Variants in XRN1 observed in about 807,000 individuals in gnomAD.
XRN1 encodes 5'-3' exoribonuclease 1.
In XRN1, 67 loss-of-function variants were observed where a neutral mutation model predicts 222.3. The observed-to-expected ratio is 0.30, with a 90% CI of 0.25 to 0.37. The LOEUF is 0.37. Ranked by LOEUF, XRN1 falls within the 10% of genes least tolerant of loss-of-function variation. The pLI is 1.00. For synonymous variants in XRN1, 643 were observed against 652.4 expected, an observed-to-expected ratio of 0.99 and a Z score of 0.22; for missense variants, 1,707 against 2,000.2, an observed-to-expected ratio of 0.85 and a Z score of 2.80.
chr3:142,361,097 GTTACT>G (rs1178972893), intron 29 of XRN1, among the ~76,000 whole-genome samples: 1 of 152,080 alleles, frequency 6.6e-6, no homozygotes, highest in Non-Finnish European at 1.5e-5. Context: ...GTCACCATAG[GTTACT>G]TTACATTTGT....
chr3:142,375,609 T>C (rs192253216), intron 25 of XRN1, among the ~76,000 whole-genome samples, 189 bp downstream of exon 25: 4 of 152,316 alleles, frequency 2.6e-5, no homozygotes, highest in Admixed American at 2.0e-4. Context: ...TTTAATAATA[T>C]GGTATTTTTC....
intron 2 of XRN1, among the ~76,000 whole-genome samples, chr3:142,428,437 C>T (rs2069363016): frequency 6.6e-6 from 1 of 151,180 alleles, no homozygotes; most frequent in Admixed American, 6.6e-5. Flanking sequence ...TGAGATTACA[C>T]TCTAGTGGGG....
chr3:142,312,850 T>G, intron 39 of XRN1, 92 bp from the exon 40 acceptor site: 1 of 1,250,790 alleles, frequency 8.0e-7, no homozygotes, highest in Non-Finnish European at 1.1e-6. Flanking sequence ...CTTTTTGGGC[T>G]TTTTTTTTCC....
chr3:142,336,693 C>A (rs1479559580), intron 33 of XRN1, among the ~76,000 whole-genome samples: 1 of 151,710 alleles, frequency 6.6e-6, no homozygotes, highest in Non-Finnish European at 1.5e-5. Flanking sequence ...AGTAATCTTA[C>A]AAAACAAAGG....
At chr3:142,366,797 A>C (rs1485698718) in intron 27 of XRN1, among the ~76,000 whole-genome samples, 1 of 152,212 alleles carries the variant, frequency 6.6e-6, no homozygotes, top group Non-Finnish European at 1.5e-5. Context: ...TTGCACATCA[A>C]AAAACAACCC....
At chr3:142,393,754 T>C (rs1379601336) in intron 20 of XRN1, among the ~76,000 whole-genome samples, 1 of 152,114 alleles carries the variant, frequency 6.6e-6, no homozygotes, top group Non-Finnish European at 1.5e-5. Context: ...TTCCTCTTCA[T>C]CCAACTTGCA....
rs200379372 is a variant in XRN1 at position 142,383,291 on chromosome 3, G to C, written c.2616+9C>G. 3.5e-5 allele frequency: 56 copies of C among 1,598,096 alleles called. No individual in the cohort carries two copies. Among genetic ancestry groups the C allele is most frequent in the Non-Finnish European group, 5.1e-6 (6 of 1,169,970 alleles). ...GAAAAATGTATCAGTAACAATAATG[G>C]AAACTAACTTCTCCAGTGCAGCCAT... On this transcript the variant is annotated intron_variant, in intron 22 of 40. Transcript: ENST00000392981.
rs921698856 is a variant in XRN1 at position 142,414,448 on chromosome 3, T to C, written c.1437-157A>G. 1.5e-5 allele frequency: 8 copies of C among 551,684 alleles called. No individual in the cohort carries two copies. The African/African-American group carries it at 1.6e-4, about 11-fold the overall frequency. 34.2% of individuals were successfully genotyped at this position (551,684 alleles called of 1,614,324 possible). A position where few individuals can be genotyped will look rare whatever the true frequency, so the allele number is the denominator to read the frequency against. ...CTATCTGAATATAAGAAATTAGCAGTGTTGGAAAATTTAGGTCATCCGATG... is the reference window on the plus strand; with the variant it reads ...CTATCTGAATATAAGAAATTAGCAGCGTTGGAAAATTTAGGTCATCCGATG... On this transcript the variant is annotated intron_variant, in intron 13 of 40. Transcript: ENST00000392981.
chr3:142,426,173 T>C (rs1034459285), intron 3 of XRN1, among the ~76,000 whole-genome samples: 1 of 152,188 alleles, frequency 6.6e-6, no homozygotes, highest in Non-Finnish European at 1.5e-5. Context: ...GAAAGTTAGA[T>C]TTTAAGATTT....
intron 3 of XRN1, chr3:142,426,523 T>C (rs981799880): frequency 1.8e-5 from 9 of 493,376 alleles, no homozygotes; most frequent in Admixed American, 1.4e-4. Flanking sequence ...CCTGTCCATA[T>C]CTGCTCTAAT....
intron 32 of XRN1, among the ~76,000 whole-genome samples, chr3:142,350,847 CG>C (rs760419961): frequency 2.6e-5 from 4 of 151,962 alleles, no homozygotes; most frequent in Non-Finnish European, 4.4e-5. Flanking sequence ...CATTAGGTAA[CG>C]TAAGTTTGTG....
chr3:142,309,779 C>A lies in XRN1; in HGVS notation c.*1732G>T, dbSNP rs1160660124. The stretch of plus-strand genomic sequence containing the variant: ...TGTACAGCTGAGGTGAAACATTTCA[C>A]ACTTTAAAGTAGGAAGAGGTTAATA... On this transcript the variant is annotated 3_prime_UTR_variant, in exon 41 of 41. Transcript: ENST00000392981. 1 of 152,188 alleles carries A rather than the reference C, an allele frequency of 6.6e-6. No homozygotes were observed. The highest frequency in any genetic ancestry group is 6.5e-5 in the Admixed American group (1 of 15,278). 9.4% of individuals were successfully genotyped at this position (152,188 alleles called of 1,614,324 possible). A position where few individuals can be genotyped will look rare whatever the true frequency, so the allele number is the denominator to read the frequency against.
In XRN1 at chr3:142,397,473, A is replaced by C. The variant is rs768780820; in HGVS notation, c.2208-13T>G. On this transcript the variant is annotated splice_polypyrimidine_tract_variant and intron_variant, in intron 19 of 40. Coordinates refer to ENST00000392981, the MANE Select transcript of XRN1 (RefSeq NM_001282857.2). Reference sequence around the variant, plus strand: ...TTCCAAGTAAAACCTTAAGAGTTAAAATAAAAATTATATAACCAAAATGTT... The same window carrying C: ...TTCCAAGTAAAACCTTAAGAGTTAACATAAAAATTATATAACCAAAATGTT... 5.7e-6 allele frequency: 9 copies of C among 1,570,794 alleles called. No individual in the cohort carries two copies. The highest frequency in any genetic ancestry group is 6.0e-6 in the Non-Finnish European group (7 of 1,160,924).
At position 142,311,832 on chromosome 3, in the gene XRN1, T is replaced by C. The variant is rs199592071; in HGVS notation, c.4783-19A>G. 780 of 1,549,520 alleles carry C rather than the reference T, an allele frequency of 5.0e-4. No homozygotes were observed. The highest frequency in any genetic ancestry group is 6.3e-4 in the Non-Finnish European group (728 of 1,151,986). On this transcript the variant is annotated intron_variant, in intron 40 of 40. Coordinates refer to ENST00000392981, the MANE Select transcript of XRN1 (RefSeq NM_001282857.2). ...TAGTAACCTGTTAGGAATAAAAGCA[T>C]CACTAATTAATAATGTAGGCAAAAA...
intron 32 of XRN1, among the ~76,000 whole-genome samples, chr3:142,347,712 C>T (rs2066188105): frequency 6.6e-6 from 1 of 151,896 alleles, no homozygotes; most frequent in Admixed American, 6.6e-5. Context: ...ACTCTCATGA[C>T]TCAGCCTTCT....
chr3:142,334,803 A>ACACACACACACACAC (rs57347012), intron 34 of XRN1, among the ~76,000 whole-genome samples: 2 of 134,240 alleles, frequency 1.5e-5, no homozygotes, highest in African/African-American at 5.9e-5. Flanking sequence ...CACACACACA[A>ACACACACACACACAC]AAGACCATAT....
intron 11 of XRN1, 46 bp from the exon 12 acceptor site, chr3:142,418,655 C>T (rs950633461): frequency 2.7e-6 from 4 of 1,497,814 alleles, no homozygotes; most frequent in Non-Finnish European, 3.7e-6. Context: ...TTATGAATAG[C>T]CTGTTTTTCC....
chr3:142,413,826 G>A (rs1005142083), intron 14 of XRN1, among the ~76,000 whole-genome samples: 1 of 152,182 alleles, frequency 6.6e-6, no homozygotes, highest in African/African-American at 2.4e-5. Flanking sequence ...AGATAAAGTA[G>A]ATAGCTTCAG....
rs1016714638 is a variant in XRN1 at position 142,312,683 on chromosome 3, G to A, written c.4697C>T (p.Pro1566Leu). 2.5e-6 allele frequency: 4 copies of A among 1,613,832 alleles called. No homozygotes were observed. The highest frequency in any genetic ancestry group is 1.1e-5 in the South Asian group (1 of 91,072). The change falls in exon 40 of 41, where the codon CCC (proline) becomes CTC (leucine). Residue 1566 changes from proline (P) to leucine (L), a missense_variant. Transcript: ENST00000392981. The stretch of plus-strand genomic sequence containing the variant: ...CCCAGAATATAAAGTATGATGGAAG[G>A]GCTTCCCAGGAACTGGCACCGATGG... ...WGPSVPVPGK[P>L]FHHTLYSGTM...
Sources: gnomAD v4.1 joint callset for allele counts (sites outside exome capture counted in the v4.1 genomes callset) on GRCh38, gnomAD v4.1.1 for gene constraint, MANE v1.5 for transcripts, NCBI Gene and HGNC (gene_info 2026-07-23, HGNC 2026-07-21) for gene names.